Variants in ZNF727 observed in about 807,000 individuals in gnomAD.
The protein encoded by ZNF727 is zinc finger protein 727.
A neutral mutation model predicts 11.5 loss-of-function variants in ZNF727; 11 were observed. That is an observed-to-expected ratio of 0.95 (90% CI 0.60 to 1.58). The LOEUF (loss-of-function observed/expected upper bound fraction) is 1.58. ZNF727 is among the 40% of genes most tolerant of loss of function. The pLI is 0.00. For missense variants in ZNF727, 533 were observed against 581.7 expected (o/e 0.92, Z 0.86); for synonymous variants, 171 against 196.1 (o/e 0.87, Z 1.07).
Position 64,080,474 on chromosome 7 carries a change from G to A in ZNF727, c.*1925G>A, listed in dbSNP as rs190267085. On this transcript the variant is annotated 3_prime_UTR_variant, in exon 4 of 4. Transcript: ENST00000456806. Reference sequence around the variant, plus strand: ...CTTGTGATTACATTATAAAGGTTTTGTATTGTGTTTTTCAGTTCTATCATG... The same window carrying A: ...CTTGTGATTACATTATAAAGGTTTTATATTGTGTTTTTCAGTTCTATCATG... Among the ~76,000 whole-genome samples the A allele has an allele frequency of 2.8e-4, 42 of 152,026 alleles. No homozygotes were observed. Among genetic ancestry groups the A allele is most frequent in the Non-Finnish European group, 4.7e-4 (32 of 67,980 alleles).
chr7:64,049,546 G>C (rs1379376851), intron 1 of ZNF727, among the ~76,000 whole-genome samples: 2 of 151,850 alleles, frequency 1.3e-5, no homozygotes, highest in Non-Finnish European at 2.9e-5. Flanking sequence ...TATAGTGAAA[G>C]CCTGAGAAGT....
chr7:64,058,826 CG>C (rs1487512887), intron 1 of ZNF727, among the ~76,000 whole-genome samples: 4 of 152,204 alleles, frequency 2.6e-5, no homozygotes, highest in Non-Finnish European at 4.4e-5. Flanking sequence ...ATTATACCTA[CG>C]TCTACATCTG....
In ZNF727 at chr7:64,081,566, T is replaced by G. The variant is rs1785793669; in HGVS notation, c.*3017T>G. Among the ~76,000 whole-genome samples the G allele has an allele frequency of 2.6e-5, 4 of 152,014 alleles. No individual in the cohort carries two copies. The South Asian group carries it at 8.3e-4, about 32-fold the overall frequency. ...GCTGGTGCAGTCACAGGGGCTGCCT[T>G]GCCGGAGCTCTTCATGGGTCAGGCA... is the stretch of plus-strand genomic sequence containing the variant. On this transcript the variant is annotated 3_prime_UTR_variant, in exon 4 of 4. Coordinates refer to ENST00000456806, the MANE Select transcript of ZNF727 (RefSeq NM_001159522.3).
chr7:64,076,573 G>A (rs555529421), intron 3 of ZNF727, among the ~76,000 whole-genome samples: 3 of 152,160 alleles, frequency 2.0e-5, no homozygotes, highest in African/African-American at 4.8e-5. Context: ...CAGTCTGGGC[G>A]ACAGAGAGAG....
intron 3 of ZNF727, among the ~76,000 whole-genome samples, chr7:64,074,971 TTGCTGTATACCAACTA>T (rs1464757359): frequency 6.6e-6 from 1 of 152,102 alleles, no homozygotes; most frequent in Non-Finnish European, 1.5e-5. Context: ...TCTTTCTGAT[TTGCTGTATACCAACTA>T]TGCCTGTAAT....
chr7:64,072,011 G>A (rs1391903883), intron 3 of ZNF727, among the ~76,000 whole-genome samples: 1 of 152,036 alleles, frequency 6.6e-6, no homozygotes, highest in East Asian at 1.9e-4. Context: ...AAATTAGAAA[G>A]TATAATGCCC....
chr7:64,050,302 G>A (rs1297871167), intron 1 of ZNF727, among the ~76,000 whole-genome samples: 1 of 151,868 alleles, frequency 6.6e-6, no homozygotes, highest in Non-Finnish European at 1.5e-5. Flanking sequence ...ACTTACTCAT[G>A]TTTGTATCTA....
At chr7:64,059,351 A>AT (rs1486945765) in intron 1 of ZNF727, among the ~76,000 whole-genome samples, 1 of 152,210 alleles carries the variant, frequency 6.6e-6, no homozygotes, top group Non-Finnish European at 1.5e-5. Flanking sequence ...TAACTGATTA[A>AT]TTTTTTTGTA....
chr7:64,061,624 A>T (rs531341171), intron 1 of ZNF727, among the ~76,000 whole-genome samples: 1 of 151,514 alleles, frequency 6.6e-6, no homozygotes, highest in Non-Finnish European at 1.5e-5. Context: ...TTTTATTTTT[A>T]CCCATTTGGC....
At chr7:64,045,931 T>C (rs1422115780) in intron 1 of ZNF727, among the ~76,000 whole-genome samples, 2 of 152,178 alleles carry the variant, frequency 1.3e-5, no homozygotes, top group Admixed American at 1.3e-4. Context: ...AGAATCCTCA[T>C]TCAGGGTCTG....
At chr7:64,051,123 C>T (rs957803123) in intron 1 of ZNF727, among the ~76,000 whole-genome samples, 2 of 151,922 alleles carry the variant, frequency 1.3e-5, no homozygotes, top group Non-Finnish European at 2.9e-5. Context: ...TTTATTTAGT[C>T]CTGGAGAGGA....
In ZNF727 at chr7:64,077,769, C is replaced by T. The variant is rs764274628; in HGVS notation, c.720C>T (p.Ser240=). 3.1e-5 allele frequency: 49 copies of T among 1,578,278 alleles called. 1 individual carries two copies. In the South Asian group the frequency reaches 5.2e-4, roughly 17 times the overall value. The part of the protein sequence containing the change: ...CEECGKTFTC[S]SALTKHKRNH... Reference sequence around the variant, plus strand: ...AATGTGGCAAAACATTTACCTGTTCCTCAGCCCTTACTAAACACAAGAGAA... The same window carrying T: ...AATGTGGCAAAACATTTACCTGTTCTTCAGCCCTTACTAAACACAAGAGAA... Residue 240 remains serine, a synonymous_variant, in exon 4 of 4, where the codon TCC becomes TCT. Transcript: ENST00000456806.
At chr7:64,069,066 T>C in intron 2 of ZNF727, 49 bp downstream of exon 2, 1 of 1,466,856 alleles carries the variant, frequency 6.8e-7, no homozygotes, top group Non-Finnish European at 9.0e-7. Context: ...AAATATTTTA[T>C]TTCCTCTTTT....
At chr7:64,062,299 C>A (rs1397001240) in intron 1 of ZNF727, among the ~76,000 whole-genome samples, 2 of 151,854 alleles carry the variant, frequency 1.3e-5, no homozygotes, top group African/African-American at 4.8e-5. Flanking sequence ...CACATGTTTT[C>A]TTATTGCTCA....
chr7:64,050,456 T>C (rs1448621089), intron 1 of ZNF727, among the ~76,000 whole-genome samples: 2 of 152,210 alleles, frequency 1.3e-5, no homozygotes, highest in Non-Finnish European at 2.9e-5. Context: ...TTTATCTGTG[T>C]TCTTCAAGGG....
rs1156673858 is a variant in ZNF727 at position 64,052,721 on chromosome 7, AG to A, written c.3+7103del. 3.3e-5 allele frequency among the ~76,000 whole-genome samples: 5 copies of A among 152,316 alleles called. No homozygotes were observed. In the East Asian group the frequency reaches 9.7e-4, roughly 30 times the overall value. On this transcript the variant is annotated intron_variant, in intron 1 of 3. Transcript: ENST00000456806. ...ATGCCAGCCTATGAAAGCAGCCAGG[AG>A]GGGGGCTATACCCTGCAAAGCCACA...
At chr7:64,076,204 T>G (rs1785654326) in intron 3 of ZNF727, among the ~76,000 whole-genome samples, 1 of 152,214 alleles carries the variant, frequency 6.6e-6, no homozygotes. Context: ...ATTGCCATTA[T>G]AATTATTTAT....
At chr7:64,068,773 A>G (rs1032494951) in intron 1 of ZNF727, 118 bp from the exon 2 acceptor site, 2 of 1,195,902 alleles carry the variant, frequency 1.7e-6, no homozygotes, top group South Asian at 1.4e-5. Flanking sequence ...AAAGTATCCT[A>G]TTGGATAACT....
At position 64,068,966 on chromosome 7, in the gene ZNF727, C is replaced by T. The variant is rs1454227257; in HGVS notation, c.79C>T (p.Arg27Cys). 10 of 1,605,900 alleles carry T rather than the reference C, an allele frequency of 6.2e-6. No homozygotes were observed. Among genetic ancestry groups the T allele is most frequent in the Middle Eastern group, 1.7e-4 (1 of 6,048 alleles). Reference sequence around the variant, plus strand: ...GGAATGCCTGGACTCTGCTCAGCAGCGTTTGTATAGGGATGTGATGTTAGA... The same window carrying T: ...GGAATGCCTGGACTCTGCTCAGCAGTGTTTGTATAGGGATGTGATGTTAGA... ...EWECLDSAQQ[R>C]LYRDVMLENY... is the part of the protein sequence containing the mutation. Residue 27 changes from arginine (R) to cysteine (C), a missense_variant, in exon 2 of 4, where the codon CGT (arginine) becomes TGT (cysteine). Around this residue, in one of 3 missense-constraint regions of ZNF727, gnomAD observed 463 missense variants for 494.5 expected, o/e 0.94. Coordinates refer to ENST00000456806, the MANE Select transcript of ZNF727 (RefSeq NM_001159522.3).
Sources: gnomAD v4.1 joint callset for allele counts (sites outside exome capture counted in the v4.1 genomes callset) on GRCh38, gnomAD v4.1.1 for gene constraint, gnomAD v4.1.1 regional missense constraint, MANE v1.5 for transcripts, NCBI Gene and HGNC (gene_info 2026-07-23, HGNC 2026-07-21) for gene names.